NXPH1: variants seen among roughly 807,000 people sequenced by gnomAD.
NXPH1 encodes the protein neurexophilin-1.
Under a neutral mutation model 23.7 loss-of-function variants are expected in NXPH1, and 5 were observed. The observed-to-expected ratio is 0.21, with a 90% CI of 0.11 to 0.44. NXPH1 has a LOEUF of 0.44. Among genes scored for constraint, NXPH1 ranks in the 20% least tolerant of loss-of-function variants. NXPH1 has a pLI of 0.99. For synonymous variants in NXPH1, 144 were observed against 122.2 expected (o/e 1.18, Z -1.18); for missense variants, 324 against 321.6 (o/e 1.01, Z -0.06).
At chr7:8,704,387 G>A (rs982027973) in intron 2 of NXPH1, among the ~76,000 whole-genome samples, 2 of 151,928 alleles carry the variant, frequency 1.3e-5, no homozygotes, top group Non-Finnish European at 2.9e-5. Context: ...ACCACCACAC[G>A]AGACACTGTA....
At chr7:8,513,926 T>A (rs1817650979) in intron 2 of NXPH1, among the ~76,000 whole-genome samples, 1 of 152,114 alleles carries the variant, frequency 6.6e-6, no homozygotes, top group South Asian at 2.1e-4. Flanking sequence ...AGGTTGGTTC[T>A]TTCTCAGGGC....
chr7:8,544,526 G>A (rs867761328), intron 2 of NXPH1, among the ~76,000 whole-genome samples: 7 of 151,610 alleles, frequency 4.6e-5, no homozygotes, highest in South Asian at 2.1e-4. Context: ...ATCCCTACCC[G>A]AAGACATCAT....
chr7:8,646,988 A>G (rs1438130310), intron 2 of NXPH1, among the ~76,000 whole-genome samples: 1 of 151,878 alleles, frequency 6.6e-6, no homozygotes, highest in African/African-American at 2.4e-5. Context: ...GGGAGGAGAG[A>G]GAAGAAGGTG....
At chr7:8,703,428 G>GA (rs949046483) in intron 2 of NXPH1, among the ~76,000 whole-genome samples, 1 of 151,994 alleles carries the variant, frequency 6.6e-6, no homozygotes, top group African/African-American at 2.4e-5. Context: ...TTGTTTTCCT[G>GA]AAAAAATCCT....
chr7:8,538,437 T>A (rs1360941173), intron 2 of NXPH1, among the ~76,000 whole-genome samples: 3 of 151,938 alleles, frequency 2.0e-5, no homozygotes. Flanking sequence ...AATTCTGATA[T>A]TCTCTTTCTG....
At position 8,697,975 on chromosome 7, in the gene NXPH1, G is replaced by T. The variant is rs548787936; in HGVS notation, c.55-53033G>T. Among the ~76,000 whole-genome samples the T allele has an allele frequency of 2.0e-4, 30 of 152,276 alleles. No homozygotes were observed. In the South Asian group the frequency reaches 6.0e-3, roughly 31 times the overall value. On this transcript the variant is annotated intron_variant, in intron 2 of 2. Coordinates refer to ENST00000405863, the MANE Select transcript of NXPH1 (RefSeq NM_152745.3). ...TAATTTGGATTGCATTCTAAGTGTG[G>T]CAGGAAATCATTGGTGGATTTAACC...
At chr7:8,721,584 G>C (rs1779971198) in intron 2 of NXPH1, among the ~76,000 whole-genome samples, 1 of 152,026 alleles carries the variant, frequency 6.6e-6, no homozygotes, top group Non-Finnish European at 1.5e-5. Context: ...GACCATCCTG[G>C]CTAACACGGT....
chr7:8,512,754 G>A (rs1429665579), intron 2 of NXPH1, among the ~76,000 whole-genome samples: 2 of 152,076 alleles, frequency 1.3e-5, no homozygotes, highest in Non-Finnish European at 2.9e-5. Context: ...CCATAATAAA[G>A]TGTTTTCTCC....
At chr7:8,626,047 G>T (rs1819980357) in intron 2 of NXPH1, among the ~76,000 whole-genome samples, 1 of 152,080 alleles carries the variant, frequency 6.6e-6, no homozygotes, top group Non-Finnish European at 1.5e-5. Flanking sequence ...GAGGACTATA[G>T]GAAATACAAG....
chr7:8,486,351 C>G (rs1185570443), intron 2 of NXPH1, among the ~76,000 whole-genome samples: 1 of 152,134 alleles, frequency 6.6e-6, no homozygotes. Context: ...TTCTGACTGC[C>G]TGTTTTACCT....
chr7:8,631,962 G>T (rs931466489), intron 2 of NXPH1, among the ~76,000 whole-genome samples: 1 of 152,014 alleles, frequency 6.6e-6, no homozygotes, highest in South Asian at 2.1e-4. Context: ...CAGTTTTCTG[G>T]TCTGAAGGAG....
chr7:8,613,593 T>A (rs1322377512), intron 2 of NXPH1, among the ~76,000 whole-genome samples: 1 of 152,004 alleles, frequency 6.6e-6, no homozygotes, highest in African/African-American at 2.4e-5. Flanking sequence ...TAATGTAGGA[T>A]ATCTTTGTAA....
chr7:8,728,885 T>C (rs1583249412), intron 2 of NXPH1, among the ~76,000 whole-genome samples: 1 of 151,882 alleles, frequency 6.6e-6, no homozygotes, highest in East Asian at 1.9e-4. Flanking sequence ...CCTCTTTTTC[T>C]ATTGATTGGA....
intron 2 of NXPH1, among the ~76,000 whole-genome samples, chr7:8,736,934 G>A (rs918632495): frequency 4.0e-5 from 6 of 151,380 alleles, no homozygotes; most frequent in African/African-American, 1.5e-4. Context: ...TTTTCTCAGA[G>A]ACTAGGATTG....
intron 2 of NXPH1, among the ~76,000 whole-genome samples, chr7:8,533,244 G>A (rs911793940): frequency 2.0e-5 from 3 of 151,862 alleles, no homozygotes; most frequent in African/African-American, 7.3e-5. Context: ...TTTTCTTCTA[G>A]CTTTACATCT....
chr7:8,444,022 C>G (rs1816354259), intron 2 of NXPH1, among the ~76,000 whole-genome samples: 1 of 152,208 alleles, frequency 6.6e-6, no homozygotes, highest in African/African-American at 2.4e-5. Context: ...GTTCCTCCAC[C>G]GCAGCGGTCA....
At chr7:8,613,131 T>C (rs1223514245) in intron 2 of NXPH1, among the ~76,000 whole-genome samples, 1 of 152,164 alleles carries the variant, frequency 6.6e-6, no homozygotes, top group Non-Finnish European at 1.5e-5. Flanking sequence ...ACCTTGAGTC[T>C]TCCTTAATAT....
chr7:8,571,931 T>C (rs537906944), intron 2 of NXPH1, among the ~76,000 whole-genome samples: 3 of 151,428 alleles, frequency 2.0e-5, no homozygotes, highest in African/African-American at 7.3e-5. Context: ...AATTTAGATA[T>C]CTGAATTCAC....
chr7:8,693,596 T>C (rs1821256682), intron 2 of NXPH1, among the ~76,000 whole-genome samples: 1 of 152,206 alleles, frequency 6.6e-6, no homozygotes, highest in African/African-American at 2.4e-5. Flanking sequence ...GTCTAATACA[T>C]TATCATTAAG....
Sources: gnomAD v4.1 joint callset for allele counts (sites outside exome capture counted in the v4.1 genomes callset) on GRCh38, gnomAD v4.1.1 for gene constraint, MANE v1.5 for transcripts, NCBI Gene and HGNC (gene_info 2026-07-23, HGNC 2026-07-21) for gene names.